Variants in USH2A observed in about 807,000 individuals in gnomAD.
USH2A encodes usherin.
In USH2A, 443 loss-of-function variants were observed where a neutral mutation model predicts 538.9. The ratio of observed to expected loss-of-function variants is 0.82; its 90% CI spans 0.76 to 0.89. The LOEUF (loss-of-function observed/expected upper bound fraction) is 0.89. USH2A is among the 40% of genes least tolerant of loss of function. The pLI is 0.00. For missense variants in USH2A, 6,633 were observed against 6,324.8 expected (o/e 1.05, Z -1.65); for synonymous variants, 2,413 against 2,273.5 (o/e 1.06, Z -1.75).
intron 37 of USH2A, among the ~76,000 whole-genome samples, chr1:215,943,851 T>A (rs1666695513): frequency 6.6e-6 from 1 of 152,192 alleles, no homozygotes; most frequent in African/African-American, 2.4e-5. Flanking sequence ...TCCTTTAATA[T>A]AATTCATCTC....
At chr1:216,106,128 A>C (rs2032724972) in intron 21 of USH2A, among the ~76,000 whole-genome samples, 1 of 148,738 alleles carries the variant, frequency 6.7e-6, no homozygotes, top group South Asian at 2.1e-4. Context: ...CTTGATCCCT[A>C]TCTTAAAATC....
chr1:216,108,643 A>G (rs898559517), intron 21 of USH2A, among the ~76,000 whole-genome samples: 9 of 151,656 alleles, frequency 5.9e-5, no homozygotes, highest in East Asian at 1.9e-4. Flanking sequence ...TTATTTTTTA[A>G]CCTATTTTTC....
At chr1:215,689,007 T>C (rs756844683) in intron 61 of USH2A, among the ~76,000 whole-genome samples, 3 of 150,976 alleles carry the variant, frequency 2.0e-5, no homozygotes, top group Non-Finnish European at 4.5e-5. Flanking sequence ...GTAGAACCAA[T>C]AGAATTATGA....
chr1:215,742,841 G>A (rs1660343770), intron 59 of USH2A, among the ~76,000 whole-genome samples: 1 of 151,956 alleles, frequency 6.6e-6, no homozygotes, highest in Non-Finnish European at 1.5e-5. Context: ...AGGTAAATAT[G>A]TTTTCTATGA....
At chr1:216,155,652 G>A (rs2033922992) in intron 21 of USH2A, among the ~76,000 whole-genome samples, 1 of 152,232 alleles carries the variant, frequency 6.6e-6, no homozygotes, top group South Asian at 2.1e-4. Flanking sequence ...TGATTTGAGT[G>A]ATAACTCCAG....
At position 215,696,904 on chromosome 1, in the gene USH2A, G is replaced by C. The variant is rs187954308; in HGVS notation, c.12067-16528C>G. 7.9e-5 allele frequency among the ~76,000 whole-genome samples: 12 copies of C among 152,194 alleles called. No homozygotes were observed. In the South Asian group the frequency reaches 2.5e-3, roughly 32 times the overall value. ...AATAAATGGTAGCAGATCTCAGTGA[G>C]AGGATGCCGTGGTCATATTAAAACA... On this transcript the variant is annotated intron_variant, in intron 61 of 71. Coordinates refer to ENST00000307340, the MANE Select transcript of USH2A (RefSeq NM_206933.4).
chr1:215,696,912 C>T (rs1297067050), intron 61 of USH2A, among the ~76,000 whole-genome samples: 1 of 151,836 alleles, frequency 6.6e-6, no homozygotes. Flanking sequence ...GAGAGGATGC[C>T]GTGGTCATAT....
intron 3 of USH2A, among the ~76,000 whole-genome samples, chr1:216,394,137 A>G (rs1006831208): frequency 2.0e-5 from 3 of 152,156 alleles, no homozygotes; most frequent in Non-Finnish European, 2.9e-5. Context: ...CTAAACACCT[A>G]TCAGAAGAAG....
intron 70 of USH2A, among the ~76,000 whole-genome samples, chr1:215,632,888 T>C (rs1334515331): frequency 6.6e-6 from 1 of 152,162 alleles, no homozygotes. Context: ...CAGCCCATGG[T>C]TCGAAGTGAT....
chr1:216,305,476 A>G (rs954200588), intron 9 of USH2A, among the ~76,000 whole-genome samples: 1 of 152,060 alleles, frequency 6.6e-6, no homozygotes, highest in Admixed American at 6.6e-5. Context: ...GCCATTCTGT[A>G]TCTTTTAAGT....
intron 47 of USH2A, among the ~76,000 whole-genome samples, chr1:215,836,419 G>T (rs1278863696): frequency 9.0e-6 from 1 of 110,518 alleles, no homozygotes; most frequent in Non-Finnish European, 1.8e-5. Context: ...CATGTCTTAT[G>T]CTCTTTTGTA....
intron 61 of USH2A, among the ~76,000 whole-genome samples, chr1:215,684,029 G>T (rs1658332975): frequency 6.6e-6 from 1 of 152,176 alleles, no homozygotes; most frequent in African/African-American, 2.4e-5. Context: ...AAAACAGGAA[G>T]AAATATTTTA....
intron 47 of USH2A, among the ~76,000 whole-genome samples, chr1:215,823,118 T>C (rs1210195065): frequency 6.6e-6 from 1 of 152,042 alleles, no homozygotes; most frequent in Non-Finnish European, 1.5e-5. Context: ...TTTGTCTGTG[T>C]ACTTAATTTA....
chr1:216,231,617 C>T (rs917282711), intron 14 of USH2A, among the ~76,000 whole-genome samples: 2 of 151,690 alleles, frequency 1.3e-5, no homozygotes, highest in South Asian at 2.1e-4. Context: ...GGCGCGATCT[C>T]GGCTCACTGC....
At chr1:216,408,238 T>G (rs2039428330) in intron 3 of USH2A, among the ~76,000 whole-genome samples, 1 of 152,166 alleles carries the variant, frequency 6.6e-6, no homozygotes, top group South Asian at 2.1e-4. Flanking sequence ...AATATTAGAC[T>G]GATGATAACA....
intron 21 of USH2A, among the ~76,000 whole-genome samples, chr1:216,140,142 TATA>T (rs2033572479): frequency 7.0e-6 from 1 of 142,232 alleles, no homozygotes; most frequent in South Asian, 2.1e-4. Context: ...AGAGTACTTT[TATA>T]ATATTTTTTA....
At chr1:215,777,272 G>C (rs1269134064) in intron 55 of USH2A, among the ~76,000 whole-genome samples, 2 of 152,048 alleles carry the variant, frequency 1.3e-5, no homozygotes, top group East Asian at 3.9e-4. Flanking sequence ...GAACTGGTAG[G>C]GTGAAGTTAT....
chr1:216,019,570 T>C (rs1224610401), intron 32 of USH2A, among the ~76,000 whole-genome samples: 4 of 152,178 alleles, frequency 2.6e-5, no homozygotes, highest in African/African-American at 9.6e-5. Flanking sequence ...AAATCTGTGT[T>C]TATGTTAGAT....
chr1:215,982,848 A>C (rs372735046), intron 35 of USH2A, among the ~76,000 whole-genome samples: 5 of 152,356 alleles, frequency 3.3e-5, no homozygotes, highest in Middle Eastern at 3.4e-3. Flanking sequence ...GATGGATAGA[A>C]GGAAAACATG....
Sources: gnomAD v4.1 joint callset for allele counts (sites outside exome capture counted in the v4.1 genomes callset) on GRCh38, gnomAD v4.1.1 for gene constraint, MANE v1.5 for transcripts, NCBI Gene and HGNC (gene_info 2026-07-23, HGNC 2026-07-21) for gene names.